Variants in GGT1 observed in about 807,000 individuals in gnomAD.
GGT1 encodes the protein gamma-glutamyltransferase 1.
A neutral mutation model predicts 56.0 loss-of-function variants in GGT1; 21 were observed. The observed-to-expected ratio is 0.38, with a 90% CI of 0.27 to 0.54. The LOEUF is 0.54. Among genes scored for constraint, GGT1 ranks in the 20% least tolerant of loss-of-function variants. The probability of loss-of-function intolerance (pLI) is 0.82; values close to 1 mark genes in which losing one functional copy is unlikely to be tolerated. For missense variants in GGT1, 466 were observed against 787.0 expected (o/e 0.59, Z 4.88); for synonymous variants, 238 against 342.6 (o/e 0.69, Z 3.37).
chr22:24,623,053 A>C (rs1407047335), intron 9 of GGT1, 54 bp from the exon 10 acceptor site: 39 of 1,609,766 alleles, frequency 2.4e-5, no homozygotes, highest in Non-Finnish European at 3.2e-5. Flanking sequence ...TCCATCCTCC[A>C]CGCAGTGGTG....
rs765318194 is a variant in GGT1 at position 24,628,366 on chromosome 22, C to T, written c.1541C>T (p.Thr514Ile). ...LHNQLLPNVTTVERNIDQAVT... is the reference protein window; with the variant it reads ...LHNQLLPNVTIVERNIDQAVT... ...AACCAGCTTCTGCCCAACGTCACGA[C>T]AGTGGAGAGAAACATTGACCAGGTG... is the stretch of plus-strand genomic sequence containing the variant. The change falls in exon 15 of 16, where the codon ACA becomes ATA. Residue 514 changes from threonine (T) to isoleucine (I), a missense_variant. Around this residue, in one of 2 missense-constraint regions of GGT1, gnomAD observed 456 missense variants for 716.7 expected, o/e 0.64. Transcript: ENST00000400382. The surrounding 1 kb of genome is among the most constrained non-coding windows in gnomAD (Gnocchi z 5.7). 1.2e-6 allele frequency: 2 copies of T among 1,611,368 alleles called. No individual in the cohort carries two copies. Among genetic ancestry groups the T allele is most frequent in the African/African-American group, 1.3e-5 (1 of 74,394 alleles).
chr22:24,606,138 TTA>T (rs869064052), intron 1 of GGT1, among the ~76,000 whole-genome samples: 3 of 134,626 alleles, frequency 2.2e-5, no homozygotes, highest in East Asian at 2.0e-4. Flanking sequence ...ATATATAGTA[TTA>T]TATATATAAA....
At chr22:24,623,360 T>G (rs1210508797) in intron 10 of GGT1, 104 bp downstream of exon 10, 61 of 1,322,728 alleles carry the variant, frequency 4.6e-5, no homozygotes, top group Middle Eastern at 2.6e-4. Context: ...TGCCACGTCT[T>G]TCCATCACTG....
intron 9 of GGT1, among the ~76,000 whole-genome samples, chr22:24,621,756 A>T (rs2047426221): frequency 6.6e-6 from 1 of 152,154 alleles, no homozygotes; most frequent in African/African-American, 2.4e-5. Context: ...CTCCAGTTAG[A>T]AAAGGCCCTC....
At chr22:24,585,715 A>G in the GGT1 span, 12 of 752,838 alleles carry the variant, frequency 1.6e-5, no homozygotes, top group South Asian at 2.3e-4. Flanking sequence ...GCCTCTAGCC[A>G]GGGCTGGCCA....
At chr22:24,602,220 G>T (rs141034224), upstream of GGT1, among the ~76,000 whole-genome samples, 561 of 152,224 alleles carry the variant, frequency 3.7e-3, 1 homozygote, top group African/African-American at 4.8e-3. Flanking sequence ...CTTCCGCCTG[G>T]CAGGTCCTCC....
At chr22:24,589,671 G>A in the GGT1 span, 4 of 885,476 alleles carry the variant, frequency 4.5e-6, no homozygotes, top group Admixed American at 3.1e-5. Flanking sequence ...TACTGATGCT[G>A]GCAGCAGGTC....
rs1360839283 is a variant in GGT1, at chr22:24,628,042, C to A, written c.1337-39C>A. The stretch of plus-strand genomic sequence containing the variant: ...GAGAGGGGCGGGTGTCCTGGGCAGG[C>A]AGCTGACGGGCATCCCTGTCTTCTC... On this transcript the variant is annotated intron_variant, in intron 13 of 15. Transcript: ENST00000400382. This position sits in a 1 kb window ranked among gnomAD's most constrained non-coding sequence, Gnocchi z 5.7. The A allele has an allele frequency of 6.2e-7, 1 of 1,611,160 alleles. No individual in the cohort carries two copies. The highest frequency in any genetic ancestry group is 1.3e-5 in the African/African-American group (1 of 74,752).
At chr22:24,602,661 C>T (rs1013153497), upstream of GGT1, among the ~76,000 whole-genome samples, 20 of 152,240 alleles carry the variant, frequency 1.3e-4, no homozygotes, top group Middle Eastern at 0.014. Flanking sequence ...CAAGGAAGGA[C>T]CCTCCTGGAT....
At chr22:24,614,348 CAAAAAAAAAAA>C (rs534749815) in intron 5 of GGT1, among the ~76,000 whole-genome samples, 208 of 10,740 alleles carry the variant, frequency 0.019, 1 homozygote, top group Non-Finnish European at 0.037. Context: ...GACTTTGTCT[CAAAAAAAAAAA>C]AAAAAAAAAA....
At chr22:24,611,547 T>TATCTATCTATC (rs1285895257) in intron 5 of GGT1, among the ~76,000 whole-genome samples, 27 of 21,136 alleles carry the variant, frequency 1.3e-3, no homozygotes, top group African/African-American at 2.0e-3. Flanking sequence ...ATCTATCATC[T>TATCTATCTATC]ATCTATCTAT....
upstream of GGT1, chr22:24,592,452 A>T (rs552249360): frequency 6.4e-6 from 3 of 469,282 alleles, no homozygotes; most frequent in East Asian, 2.1e-4. Context: ...ACCCTCTTCC[A>T]TTGTCTCTCA....
intron 7 of GGT1, among the ~76,000 whole-genome samples, chr22:24,615,674 G>A (rs1601711052): frequency 6.6e-6 from 1 of 152,298 alleles, no homozygotes; most frequent in East Asian, 1.9e-4. Context: ...GCTCTAGAAT[G>A]TGAGGTGGAG....
intron 1 of GGT1, among the ~76,000 whole-genome samples, chr22:24,607,379 G>C (rs2046385164): frequency 6.6e-6 from 1 of 152,106 alleles, no homozygotes; most frequent in Admixed American, 6.5e-5. Flanking sequence ...CAGATGTTCT[G>C]AACAGGGACA....
chr22:24,583,985 G>A, the GGT1 span, among the ~76,000 whole-genome samples: 9 of 152,356 alleles, frequency 5.9e-5, no homozygotes, highest in South Asian at 6.2e-4. Context: ...GCCCAGGGCC[G>A]GCTCTCATAC....
chr22:24,605,210 ATT>A (rs2046021264), intron 1 of GGT1, among the ~76,000 whole-genome samples: 1 of 26,572 alleles, frequency 3.8e-5, no homozygotes, highest in Non-Finnish European at 6.4e-5. Flanking sequence ...TATGTATTAT[ATT>A]ATATATTATA....
chr22:24,621,827 G>A (rs1316226025), intron 9 of GGT1, among the ~76,000 whole-genome samples: 1 of 151,760 alleles, frequency 6.6e-6, no homozygotes, highest in East Asian at 1.9e-4. Flanking sequence ...GAGGCGGGTG[G>A]ATCACCTGAG....
In GGT1 at chr22:24,611,043, G is replaced by T. The variant is rs770420445; in HGVS notation, c.-7-32G>T. The T allele has an allele frequency of 5.1e-6, 8 of 1,580,160 alleles. No individual in the cohort carries two copies. In the South Asian group the frequency reaches 9.2e-5, roughly 18 times the overall value. On this transcript the variant is annotated intron_variant, in intron 4 of 15. Coordinates refer to ENST00000400382, the MANE Select transcript of GGT1 (RefSeq NM_001288833.2). Reference sequence around the variant, plus strand: ...GGGGCCAGGGAATGTCTGAGGCTAGGCCTGACCCTGCTTCTTACCCCGTGG... The same window carrying T: ...GGGGCCAGGGAATGTCTGAGGCTAGTCCTGACCCTGCTTCTTACCCCGTGG...
chr22:24,583,855 G>C, the GGT1 span: 1 of 464,086 alleles, frequency 2.2e-6, no homozygotes, highest in African/African-American at 2.0e-5. Flanking sequence ...CTGGCTTAGG[G>C]CCAGTGGTGG....
Sources: allele counts gnomAD v4.1 joint callset (sites outside exome capture counted in the v4.1 genomes callset), GRCh38; gene constraint gnomAD v4.1.1; regional missense constraint gnomAD v4.1.1; non-coding constraint Gnocchi (gnomAD v3.1); transcripts MANE v1.5; gene names NCBI Gene and HGNC (gene_info 2026-07-23, HGNC 2026-07-21).